TSBP1: variants seen among roughly 807,000 people sequenced by gnomAD.
The protein encoded by TSBP1 is testis expressed basic protein 1.
Under a neutral mutation model 68.8 loss-of-function variants are expected in TSBP1, and 56 were observed. That is an observed-to-expected ratio of 0.81 (90% CI 0.66 to 1.02). TSBP1 has a LOEUF of 1.02. TSBP1 is among the 50% of genes least tolerant of loss of function. The pLI is 0.00. For synonymous variants in TSBP1, 171 were observed against 208.7 expected, an observed-to-expected ratio of 0.82 and a Z score of 1.56; for missense variants, 502 against 641.2, an observed-to-expected ratio of 0.78 and a Z score of 2.34.
intron 19 of TSBP1, among the ~76,000 whole-genome samples, chr6:32,311,740 G>A (rs1766425296): frequency 1.3e-5 from 2 of 152,168 alleles, no homozygotes; most frequent in South Asian, 4.1e-4. Flanking sequence ...TTTTTCTGAA[G>A]GCAAATGAGT....
rs755184936 is a variant in TSBP1 at position 32,335,872 on chromosome 6, A to G, written c.451+40T>C. On this transcript the variant is annotated intron_variant, in intron 13 of 22. Transcript: ENST00000612031. This position sits in a 1 kb window ranked among gnomAD's most constrained non-coding sequence, Gnocchi z 5.5. ...AGCGATCCCTAAGATACTGCAGGAA[A>G]GTAAAATGCTCACTGTGGAGAATCA... 2 of 1,551,688 alleles carry G rather than the reference A, an allele frequency of 1.3e-6. No homozygotes were observed. The highest frequency in any genetic ancestry group is 1.8e-6 in the Non-Finnish European group (2 of 1,124,754).
At chr6:32,359,856 A>G (rs773314164) in intron 6 of TSBP1, among the ~76,000 whole-genome samples, 1 of 151,976 alleles carries the variant, frequency 6.6e-6, no homozygotes, top group African/African-American at 2.4e-5. Flanking sequence ...GGGATGTTGA[A>G]TTTCTCTTGA....
At chr6:32,344,970 C>T (rs892953412) in intron 9 of TSBP1, among the ~76,000 whole-genome samples, 3 of 152,066 alleles carry the variant, frequency 2.0e-5, no homozygotes, top group Non-Finnish European at 4.4e-5. Flanking sequence ...ATCCTCCCAA[C>T]TCAGCCTCCC....
At chr6:32,367,265 A>AGAGAGAGAGAGAGAGAGAGAGAG (rs9281758) in intron 4 of TSBP1, among the ~76,000 whole-genome samples, 46 of 117,792 alleles carry the variant, frequency 3.9e-4, no homozygotes, top group East Asian at 1.9e-3. Context: ...GAGAGAGAGA[A>AGAGAGAGAGAGAGAGAGAGAGAG]AGAGAGAGAG....
intron 1 of TSBP1, 42 bp downstream of exon 1, chr6:32,371,652 T>A (rs748310319): frequency 1.9e-5 from 27 of 1,446,428 alleles, no homozygotes; most frequent in Non-Finnish European, 1.9e-6. Flanking sequence ...ACTCCTGAAC[T>A]ACTAGAGTTG....
At chr6:32,344,091 A>T (rs1562150441) in intron 9 of TSBP1, among the ~76,000 whole-genome samples, 4 of 151,366 alleles carry the variant, frequency 2.6e-5, no homozygotes, top group Non-Finnish European at 5.9e-5. Flanking sequence ...ATTTAATTTA[A>T]TTTATTTATT....
Position 32,323,894 on chromosome 6 carries a change from C to T in TSBP1, c.515-280G>A, listed in dbSNP as rs1767922265. ...GGAAAGGAGAGATTCCAGAATCCTA[C>T]GGTGGTGAAAACATGGACATACTGA... On this transcript the variant is annotated intron_variant, in intron 16 of 22. Transcript: ENST00000612031. 1.3e-5 allele frequency: 6 copies of T among 460,316 alleles called. No individual in the cohort carries two copies. The Admixed American group carries it at 2.2e-4, about 17-fold the overall frequency. 28.5% of individuals were successfully genotyped at this position (460,316 alleles called of 1,614,324 possible). A position where few individuals can be genotyped will look rare whatever the true frequency, so the allele number is the denominator to read the frequency against.
At chr6:32,369,432 G>A (rs1402033949) in intron 2 of TSBP1, among the ~76,000 whole-genome samples, 2 of 147,192 alleles carry the variant, frequency 1.4e-5, no homozygotes, top group Non-Finnish European at 3.0e-5. Context: ...GTGCAATGGC[G>A]TGATCTCGGC....
Position 32,346,735 on chromosome 6 carries a change from G to T in TSBP1, c.349+3005C>A, listed in dbSNP as rs554159461. Among the ~76,000 whole-genome samples the T allele has an allele frequency of 6.6e-5, 10 of 152,234 alleles. No homozygotes were observed. The East Asian group carries it at 1.9e-3, about 29-fold the overall frequency. On this transcript the variant is annotated intron_variant, in intron 9 of 22. Transcript: ENST00000612031. ...CGCCTGTAATCCCAGCTGCTTGGGT[G>T]GCTGAGGCACAAGAATCGCTTGAAC...
At chr6:32,307,331 G>A (rs974377020) in intron 19 of TSBP1, among the ~76,000 whole-genome samples, 5 of 151,948 alleles carry the variant, frequency 3.3e-5, no homozygotes, top group African/African-American at 1.2e-4. Flanking sequence ...TGGATTATTT[G>A]GATGTATGCT....
intron 15 of TSBP1, among the ~76,000 whole-genome samples, chr6:32,331,092 A>T (rs143645796): frequency 9.4e-4 from 143 of 152,354 alleles, no homozygotes; most frequent in African/African-American, 3.3e-3. Flanking sequence ...TAGCCTCTCC[A>T]TAAGAACCAG....
chr6:32,345,960 C>T (rs1033971975), intron 9 of TSBP1, among the ~76,000 whole-genome samples: 1 of 152,144 alleles, frequency 6.6e-6, no homozygotes, highest in African/African-American at 2.4e-5. Flanking sequence ...TAACTAATTA[C>T]TCATCATCCT....
Position 32,292,940 on chromosome 6 carries a change from A to G in TSBP1, c.*41T>C. 3 of 1,225,254 alleles carry G rather than the reference A, an allele frequency of 2.4e-6. No individual in the cohort carries two copies. The highest frequency in any genetic ancestry group is 3.5e-6 in the Non-Finnish European group (3 of 853,644). 75.9% of individuals were successfully genotyped at this position (1,225,254 alleles called of 1,614,324 possible). On this transcript the variant is annotated 3_prime_UTR_variant, in exon 23 of 23. Coordinates refer to ENST00000612031, the Ensembl canonical transcript of TSBP1. The surrounding 1 kb of genome is among the most constrained non-coding windows in gnomAD (Gnocchi z 4.1). ...GGTTTGTATCTGGAGTATGGGAATC[A>G]TAATAATCACTTGTCTTATGGGCCT...
intron 19 of TSBP1, among the ~76,000 whole-genome samples, chr6:32,313,681 G>A (rs997118298): frequency 2.0e-5 from 3 of 152,066 alleles, no homozygotes; most frequent in African/African-American, 7.2e-5. Context: ...AATACCCTGG[G>A]TTGTGGATCC....
intron 17 of TSBP1, 84 bp downstream of exon 18, chr6:32,323,507 A>G: frequency 7.8e-7 from 1 of 1,287,938 alleles, no homozygotes; most frequent in Non-Finnish European, 1.1e-6. Flanking sequence ...GTTAGAAATG[A>G]GCAGGGTAGA....
chr6:32,368,938 C>G, intron 2 of TSBP1, 124 bp from the exon 3 acceptor site: 1 of 1,135,298 alleles, frequency 8.8e-7, no homozygotes, highest in Admixed American at 3.0e-5. Flanking sequence ...TGATATAATG[C>G]ATTGTTGTTC....
At chr6:32,339,605 G>A (rs1033500) in exon 10 of TSBP1, 375,505 of 1,208,418 alleles carry the variant, frequency 0.31, 69,868 homozygotes, top group Middle Eastern at 0.52. Flanking sequence ...CTTACAAGGA[G>A]GTTCTTCAGT....
chr6:32,301,843 AATAAATCTAGTTTTTCCAT>A (rs1359272902), intron 20 of TSBP1, among the ~76,000 whole-genome samples: 1 of 151,690 alleles, frequency 6.6e-6, no homozygotes, highest in Admixed American at 6.6e-5. Context: ...CAGCCCATGG[AATAAATCTAGTTTTTCCAT>A]ATAAATCTAG....
chr6:32,368,255 A>G (rs1046406853), intron 3 of TSBP1, among the ~76,000 whole-genome samples: 1 of 152,064 alleles, frequency 6.6e-6, no homozygotes, highest in African/African-American at 2.4e-5. Flanking sequence ...CCTCATACCA[A>G]TCCTGTGCTA....
Sources: allele counts gnomAD v4.1 joint callset (sites outside exome capture counted in the v4.1 genomes callset), GRCh38; gene constraint gnomAD v4.1.1; non-coding constraint Gnocchi (gnomAD v3.1); transcripts MANE v1.5; gene names NCBI Gene and HGNC (gene_info 2026-07-23, HGNC 2026-07-21).